Variants in ENPEP observed in about 807,000 individuals in gnomAD.
ENPEP encodes AP-A.
A neutral mutation model predicts 114.5 loss-of-function variants in ENPEP; 103 were observed. That is an observed-to-expected ratio of 0.90 (90% CI 0.77 to 1.06). The LOEUF is 1.06. ENPEP is among the 50% of genes least tolerant of loss of function. The pLI is 0.00. For synonymous variants in ENPEP, 420 were observed against 422.0 expected, an observed-to-expected ratio of 1.00 and a Z score of 0.06; for missense variants, 1,196 against 1,161.3, an observed-to-expected ratio of 1.03 and a Z score of -0.43.
chr4:110,495,454 C>T lies in ENPEP; in HGVS notation c.918+4290C>T, dbSNP rs186899256. Among the ~76,000 whole-genome samples, 23 of 152,256 alleles carry T rather than the reference C, an allele frequency of 1.5e-4. No individual in the cohort carries two copies. In the East Asian group the frequency reaches 1.7e-3, roughly 11 times the overall value. ...TGGCAATGGTGGCCGGGCGCGGTGG[C>T]TCATGCCTATAATCCCAGCACTTTG... On this transcript the variant is annotated intron_variant, in intron 3 of 19. Transcript: ENST00000265162.
chr4:110,476,819 C>A lies in ENPEP; in HGVS notation c.405C>A (p.His135Gln). The A allele has an allele frequency of 1.2e-6, 2 of 1,614,168 alleles. No homozygotes were observed. The highest frequency in any genetic ancestry group is 1.7e-6 in the Non-Finnish European group (2 of 1,180,024). Residue 135 changes from histidine (H) to glutamine (Q), a missense_variant, in exon 1 of 20, where the codon CAC becomes CAA. Coordinates refer to ENST00000265162, the MANE Select transcript of ENPEP (RefSeq NM_001977.4). Reference sequence around the variant, plus strand: ...CTCCCACCCGGTACCTGTGGCTGCACCTCCGGGAGACCAGGATCACCCGGC... The same window carrying A: ...CTCCCACCCGGTACCTGTGGCTGCAACTCCGGGAGACCAGGATCACCCGGC... ...LSAPTRYLWL[H>Q]LRETRITRLP...
At chr4:110,525,060 T>A (rs969751431) in intron 10 of ENPEP, among the ~76,000 whole-genome samples, 1 of 152,202 alleles carries the variant, frequency 6.6e-6, no homozygotes, top group Non-Finnish European at 1.5e-5. Flanking sequence ...CCTCAAATTT[T>A]AAAAAATGTT....
intron 1 of ENPEP, among the ~76,000 whole-genome samples, chr4:110,484,860 G>T (rs1342255232): frequency 6.6e-6 from 1 of 151,402 alleles, no homozygotes; most frequent in African/African-American, 2.4e-5. Context: ...TTAGGAAAGT[G>T]TAATTCCACT....
chr4:110,537,463 T>C (rs923882028), intron 11 of ENPEP, among the ~76,000 whole-genome samples: 1 of 152,232 alleles, frequency 6.6e-6, no homozygotes, highest in Non-Finnish European at 1.5e-5. Flanking sequence ...TATCATGAGA[T>C]AGCAACAATT....
chr4:110,549,636 A>T lies in ENPEP; in HGVS notation c.2330+4A>T. On this transcript the variant is annotated splice_donor_region_variant and intron_variant, in intron 16 of 19. Coordinates refer to ENST00000265162, the MANE Select transcript of ENPEP (RefSeq NM_001977.4). The stretch of plus-strand genomic sequence containing the variant: ...AGTGGCTAAATGGGACTGTAAGGTG[A>T]TTACTCACATTGTTATGCTTAGAAG... 1 of 1,613,400 alleles carries T rather than the reference A, an allele frequency of 6.2e-7. No individual in the cohort carries two copies.
At chr4:110,521,385 T>TAA (rs1725983483) in intron 10 of ENPEP, among the ~76,000 whole-genome samples, 1 of 151,358 alleles carries the variant, frequency 6.6e-6, no homozygotes. Context: ...TCCCTAAAAA[T>TAA]AATAAAATAA....
chr4:110,512,253 C>A (rs17552333), intron 6 of ENPEP, among the ~76,000 whole-genome samples: 1 of 152,066 alleles, frequency 6.6e-6, no homozygotes, highest in Non-Finnish European at 1.5e-5. Context: ...GGTGAAAAAT[C>A]GGAAGGCCAG....
intron 8 of ENPEP, among the ~76,000 whole-genome samples, chr4:110,516,110 A>T (rs959096473): frequency 2.6e-5 from 4 of 152,230 alleles, no homozygotes; most frequent in South Asian, 2.1e-4. Flanking sequence ...TATAAAGGTC[A>T]TTCCTTATAC....
intron 5 of ENPEP, 149 bp downstream of exon 5, chr4:110,509,956 A>C: frequency 1.7e-6 from 2 of 1,165,060 alleles, no homozygotes; most frequent in Non-Finnish European, 2.4e-6. Flanking sequence ...ATAAACATTT[A>C]GCCATAAAGA....
chr4:110,520,721 T>G (rs888287413), intron 10 of ENPEP, among the ~76,000 whole-genome samples: 1 of 152,048 alleles, frequency 6.6e-6, no homozygotes, highest in Non-Finnish European at 1.5e-5. Flanking sequence ...TACAACCAGA[T>G]AATAATAAGG....
intron 10 of ENPEP, among the ~76,000 whole-genome samples, chr4:110,529,106 C>A (rs1314973048): frequency 3.3e-5 from 5 of 152,146 alleles, no homozygotes; most frequent in Non-Finnish European, 7.3e-5. Context: ...AGCTTCTGCC[C>A]TTTTGAGGCC....
chr4:110,489,183 G>A (rs549397430), intron 2 of ENPEP, among the ~76,000 whole-genome samples: 1 of 151,858 alleles, frequency 6.6e-6, no homozygotes, highest in African/African-American at 2.4e-5. Flanking sequence ...CCTTTGGTGA[G>A]TGGGAAGTGC....
At chr4:110,482,944 G>T (rs1451378533) in intron 1 of ENPEP, among the ~76,000 whole-genome samples, 1 of 152,302 alleles carries the variant, frequency 6.6e-6, no homozygotes, top group East Asian at 1.9e-4. Flanking sequence ...AGGAGGCGGA[G>T]GTTGTAGTGA....
chr4:110,521,658 A>C (rs1725994814), intron 10 of ENPEP, among the ~76,000 whole-genome samples: 1 of 152,046 alleles, frequency 6.6e-6, no homozygotes, highest in Admixed American at 6.5e-5. Context: ...GAACTATTAC[A>C]CCAATGAACC....
rs1009224485 is a variant in ENPEP at position 110,517,336 on chromosome 4, G to A, written c.1509+1894G>A. ...ACACATGTTACGTCATCCTGAAAAT[G>A]TTTGTTAAATGAATGAATGAGTGAA... On this transcript the variant is annotated intron_variant, in intron 8 of 19. Transcript: ENST00000265162. Among the ~76,000 whole-genome samples the A allele has an allele frequency of 6.6e-5, 10 of 152,116 alleles. No individual in the cohort carries two copies. In the East Asian group the frequency reaches 1.9e-3, roughly 29 times the overall value.
intron 18 of ENPEP, among the ~76,000 whole-genome samples, chr4:110,556,079 A>G (rs1727456824): frequency 6.6e-6 from 1 of 152,048 alleles, no homozygotes; most frequent in Non-Finnish European, 1.5e-5. Flanking sequence ...CAGAAATTAT[A>G]GAAGGTCACT....
At chr4:110,535,033 G>T (rs1043709665) in intron 11 of ENPEP, among the ~76,000 whole-genome samples, 2 of 152,052 alleles carry the variant, frequency 1.3e-5, no homozygotes, top group African/African-American at 4.8e-5. Context: ...TGCTATTTTG[G>T]CTATTGTTAA....
At chr4:110,507,527 C>T (rs1163709386) in intron 4 of ENPEP, among the ~76,000 whole-genome samples, 1 of 152,214 alleles carries the variant, frequency 6.6e-6, no homozygotes, top group Admixed American at 6.5e-5. Context: ...TATCAATGCA[C>T]ACAAGGGGAA....
chr4:110,555,734 G>T (rs1727445092), intron 18 of ENPEP, among the ~76,000 whole-genome samples: 1 of 151,860 alleles, frequency 6.6e-6, no homozygotes, highest in South Asian at 2.1e-4. Context: ...AATTTAATAA[G>T]CACTTAAAAG....
Sources: gnomAD v4.1 joint callset for allele counts (sites outside exome capture counted in the v4.1 genomes callset) on GRCh38, gnomAD v4.1.1 for gene constraint, MANE v1.5 for transcripts, NCBI Gene and HGNC (gene_info 2026-07-23, HGNC 2026-07-21) for gene names.